Variants in DYNC2H1 observed in about 807,000 individuals in gnomAD.
DYNC2H1 encodes dynein cytoplasmic 2 heavy chain 1.
A neutral mutation model predicts 570.0 loss-of-function variants in DYNC2H1; 410 were observed. That is an observed-to-expected ratio of 0.72 (90% confidence interval 0.66 to 0.78). The LOEUF (loss-of-function observed/expected upper bound fraction) is 0.78. Among genes scored for constraint, DYNC2H1 ranks in the 30% least tolerant of loss-of-function variants. The probability of loss-of-function intolerance (pLI) is 0.00; values close to 1 mark genes in which losing one functional copy is unlikely to be tolerated. For missense variants in DYNC2H1, 4,865 were observed against 5,046.4 expected, an observed-to-expected ratio of 0.96 and a Z score of 1.09; for synonymous variants, 1,688 against 1,677.6, an observed-to-expected ratio of 1.01 and a Z score of -0.15.
At chr11:103,195,267 C>T (rs1021763996) in intron 47 of DYNC2H1, among the ~76,000 whole-genome samples, 1 of 152,112 alleles carries the variant, frequency 6.6e-6, no homozygotes, top group Admixed American at 6.6e-5. Context: ...AGATTTTCTC[C>T]TATGTTTTCC....
intron 83 of DYNC2H1, among the ~76,000 whole-genome samples, chr11:103,376,211 TG>T (rs1941385120): frequency 6.6e-6 from 1 of 152,240 alleles, no homozygotes. Context: ...CAGGCAGAGA[TG>T]TGAGTCAATT....
Position 103,319,827 on chromosome 11 carries a change from AT to A in DYNC2H1, c.11726-1199del, listed in dbSNP as rs1415221837. On this transcript the variant is annotated intron_variant, in intron 80 of 88. Coordinates refer to ENST00000375735, the MANE Select transcript of DYNC2H1 (RefSeq NM_001377.3). The surrounding 1 kb of genome is among the most constrained non-coding windows in gnomAD (Gnocchi z 4.3). ...TGACTGTCTAAATGATAAAGGTATC[AT>A]TTAGTGAGTATCAGGACAACTAGAA... is the stretch of plus-strand genomic sequence containing the variant. Among the ~76,000 whole-genome samples the A allele has an allele frequency of 6.6e-6, 1 of 152,294 alleles. No homozygotes were observed. The highest frequency in any genetic ancestry group is 2.4e-5 in the African/African-American group (1 of 41,558).
intron 75 of DYNC2H1, among the ~76,000 whole-genome samples, chr11:103,293,440 C>T (rs1866693596): frequency 6.6e-6 from 1 of 152,098 alleles, no homozygotes; most frequent in Admixed American, 6.5e-5. Context: ...CTGTCTTGTA[C>T]CTGGATATTC....
intron 47 of DYNC2H1, among the ~76,000 whole-genome samples, chr11:103,195,912 A>G (rs1222556851): frequency 6.6e-6 from 1 of 152,228 alleles, no homozygotes; most frequent in East Asian, 1.9e-4. Context: ...AAACAATTGT[A>G]AGTGCTCAAA....
chr11:103,416,148 C>T (rs1383679197), intron 84 of DYNC2H1, among the ~76,000 whole-genome samples: 3 of 152,102 alleles, frequency 2.0e-5, no homozygotes, highest in Non-Finnish European at 4.4e-5. Context: ...CAGGGCCTGT[C>T]CCAGGCTGGG....
chr11:103,247,564 A>G (rs1864665460), intron 65 of DYNC2H1, among the ~76,000 whole-genome samples: 1 of 152,054 alleles, frequency 6.6e-6, no homozygotes, highest in Non-Finnish European at 1.5e-5. Flanking sequence ...TCACAGCTGG[A>G]GTGGAGGGCC....
chr11:103,306,257 A>G (rs1867279660), intron 77 of DYNC2H1, among the ~76,000 whole-genome samples: 1 of 152,220 alleles, frequency 6.6e-6, no homozygotes, highest in Non-Finnish European at 1.5e-5. Context: ...AGACTGGCAA[A>G]TACTTGTACT....
intron 84 of DYNC2H1, among the ~76,000 whole-genome samples, chr11:103,415,864 T>G (rs1214306803): frequency 6.6e-6 from 1 of 152,168 alleles, no homozygotes; most frequent in African/African-American, 2.4e-5. Context: ...TGTTTATTGC[T>G]GCACTATTCA....
chr11:103,474,956 A>C (rs966292095), intron 88 of DYNC2H1, among the ~76,000 whole-genome samples: 3 of 152,160 alleles, frequency 2.0e-5, no homozygotes, highest in East Asian at 1.9e-4. Flanking sequence ...GTATGTTTTT[A>C]AGTCATTTTG....
Position 103,261,565 on chromosome 11 carries a change from G to T in DYNC2H1, c.10695+1588G>T, listed in dbSNP as rs1565441587. On this transcript the variant is annotated intron_variant, in intron 70 of 88. Coordinates refer to ENST00000375735, the MANE Select transcript of DYNC2H1 (RefSeq NM_001377.3). This position sits in a 1 kb window ranked among gnomAD's most constrained non-coding sequence, Gnocchi z 4.8. ...GATACCCAGGCAAACAGGGTCAGGA[G>T]TGGACCTCCTGCAAAGTCCAGCAGA... 6.6e-6 allele frequency among the ~76,000 whole-genome samples: 1 copy of T among 152,310 alleles called. No homozygotes were observed.
chr11:103,454,450 T>C (rs1449959050), intron 85 of DYNC2H1, among the ~76,000 whole-genome samples: 1 of 152,132 alleles, frequency 6.6e-6, no homozygotes, highest in African/African-American at 2.4e-5. Context: ...AATAACTTCC[T>C]GGTTCCAGCA....
In DYNC2H1 at chr11:103,157,163, T is replaced by A. The variant is rs1243403285; in HGVS notation, c.4127+393T>A. Among the ~76,000 whole-genome samples, 2 of 152,244 alleles carry A rather than the reference T, an allele frequency of 1.3e-5. No homozygotes were observed. Among genetic ancestry groups the A allele is most frequent in the Non-Finnish European group, 2.9e-5 (2 of 68,040 alleles). ...TTTCGTCCTCTCTTGGTTTTCTGAC[T>A]GTCTCTCTAGTTCAACACATAGTTC... is the stretch of plus-strand genomic sequence containing the variant. On this transcript the variant is annotated intron_variant, in intron 26 of 88. Coordinates refer to ENST00000375735, the MANE Select transcript of DYNC2H1 (RefSeq NM_001377.3). This position sits in a 1 kb window ranked among gnomAD's most constrained non-coding sequence, Gnocchi z 4.2.
At chr11:103,313,945 C>CT (rs1448616006) in intron 79 of DYNC2H1, among the ~76,000 whole-genome samples, 1 of 151,886 alleles carries the variant, frequency 6.6e-6, no homozygotes, top group African/African-American at 2.4e-5. Context: ...TCCTGTAAAT[C>CT]TTTTTTTTCC....
chr11:103,124,983 T>A (rs1239161882), intron 11 of DYNC2H1, 117 bp from the exon 12 acceptor site: 4 of 670,862 alleles, frequency 6.0e-6, no homozygotes, highest in Non-Finnish European at 9.2e-6. Context: ...AATTAAAAAG[T>A]TTTTTTTTAC....
Position 103,158,665 on chromosome 11 carries a change from T to A in DYNC2H1, c.4128-12T>A. 4 of 1,517,958 alleles carry A rather than the reference T, an allele frequency of 2.6e-6. No homozygotes were observed. The highest frequency in any genetic ancestry group is 3.5e-6 in the Non-Finnish European group (4 of 1,129,690). 94.0% of individuals were successfully genotyped at this position (1,517,958 alleles called of 1,614,324 possible). ...TAAAGTAGATGTGAAGATACTTTTT[T>A]TTCTTTTGTAGATCAATAATGACTG... On this transcript the variant is annotated splice_polypyrimidine_tract_variant and intron_variant, in intron 26 of 88. Transcript: ENST00000375735.
intron 22 of DYNC2H1, among the ~76,000 whole-genome samples, chr11:103,153,849 A>G (rs1275855520): frequency 1.3e-5 from 2 of 151,960 alleles, no homozygotes; most frequent in Non-Finnish European, 2.9e-5. Context: ...TGAGAAAAAA[A>G]TAAATCTAGC....
chr11:103,134,538 C>T (rs1407192295), intron 15 of DYNC2H1, 119 bp downstream of exon 15: 1 of 544,586 alleles, frequency 1.8e-6, no homozygotes, highest in African/African-American at 2.0e-5. Context: ...CTAATAAATA[C>T]CTAATATATT....
intron 13 of DYNC2H1, among the ~76,000 whole-genome samples, chr11:103,130,949 CTG>C (rs1420111587): frequency 6.6e-6 from 1 of 152,048 alleles, no homozygotes; most frequent in Non-Finnish European, 1.5e-5. Context: ...GAAAATCAGA[CTG>C]TAATTTATTT....
At position 103,389,299 on chromosome 11, in the gene DYNC2H1, A is replaced by G. The variant is rs565428830; in HGVS notation, c.12157-10364A>G. The stretch of plus-strand genomic sequence containing the variant: ...CTAGTTTATTTGTGTAGAGGTGTTT[A>G]TAGTATTCTCTGATGGTAGTTTGTA... On this transcript the variant is annotated intron_variant, in intron 83 of 88. Transcript: ENST00000375735. 3.4e-4 allele frequency among the ~76,000 whole-genome samples: 52 copies of G among 152,246 alleles called. No homozygotes were observed. In the South Asian group the frequency reaches 0.011, roughly 31 times the overall value.
Sources: allele counts gnomAD v4.1 joint callset (sites outside exome capture counted in the v4.1 genomes callset), GRCh38; gene constraint gnomAD v4.1.1; non-coding constraint Gnocchi (gnomAD v3.1); transcripts MANE v1.5; gene names NCBI Gene and HGNC (gene_info 2026-07-23, HGNC 2026-07-21).